IGSF10: variants seen among roughly 807,000 people sequenced by gnomAD.
IGSF10 encodes immunoglobulin superfamily member 10, also known as calvaria mechanical force protein 608.
Under a neutral mutation model 128.2 loss-of-function variants are expected in IGSF10, and 126 were observed. That is an observed-to-expected ratio of 0.98 (90% CI 0.85 to 1.14). The LOEUF is 1.14. IGSF10 is among the 50% of genes most tolerant of loss of function. The probability of loss-of-function intolerance (pLI) is 0.00; values close to 1 mark genes in which losing one functional copy is unlikely to be tolerated. For synonymous variants in IGSF10, 1,185 were observed against 1,146.2 expected (o/e 1.03, Z -0.68); for missense variants, 3,295 against 3,149.8 (o/e 1.05, Z -1.10).
chr3:151,567,324 A>G, the IGSF10 span, among the ~76,000 whole-genome samples: 1 of 152,140 alleles, frequency 6.6e-6, no homozygotes, highest in Non-Finnish European at 1.5e-5. Context: ...TTTATTATCC[A>G]TATGAATAAA....
the IGSF10 span, among the ~76,000 whole-genome samples, chr3:151,582,300 G>GGGGT: frequency 9.6e-6 from 1 of 103,868 alleles, no homozygotes; most frequent in Non-Finnish European, 1.9e-5. Context: ...TCCGGGGGGG[G>GGGGT]GGGCGGGAAG....
the IGSF10 span, among the ~76,000 whole-genome samples, chr3:151,466,563 G>A: frequency 1.3e-5 from 2 of 151,986 alleles, no homozygotes; most frequent in African/African-American, 4.8e-5. Context: ...CCCAGCACGT[G>A]TTTTTGTTTT....
At chr3:151,611,417 T>A in the IGSF10 span, among the ~76,000 whole-genome samples, 1 of 152,146 alleles carries the variant, frequency 6.6e-6, no homozygotes, top group Non-Finnish European at 1.5e-5. Flanking sequence ...GTGCATACAG[T>A]TGTGAGTGTG....
the IGSF10 span, among the ~76,000 whole-genome samples, chr3:151,553,871 T>G: frequency 6.6e-6 from 1 of 151,832 alleles, no homozygotes; most frequent in African/African-American, 2.4e-5. Context: ...CCCAGCACTT[T>G]GAGTGACCAA....
the IGSF10 span, among the ~76,000 whole-genome samples, chr3:151,599,691 AT>A: frequency 1.3e-5 from 2 of 152,076 alleles, no homozygotes; most frequent in African/African-American, 4.8e-5. Flanking sequence ...GTTAGTAGAC[AT>A]TTTTTTCTCA....
rs561308547 is a variant in IGSF10 at position 151,461,059 on chromosome 3, A to G, written c.-202T>C. 2.0e-6 allele frequency: 2 copies of G among 985,250 alleles called. No individual in the cohort carries two copies. The highest frequency in any genetic ancestry group is 1.1e-4 in the East Asian group (1 of 8,806). The allele number at this position is 985,250 out of a possible 1,614,324, so 61.0% of individuals were successfully genotyped here. A position where few individuals can be genotyped will look rare whatever the true frequency, so the allele number is the denominator to read the frequency against. Reference sequence around the variant, plus strand: ...TGGTCCGGAGCTCTGGGAGGGAAGGAAGGAAGGCGGAGCGAGGGCGGGGGA... The same window carrying G: ...TGGTCCGGAGCTCTGGGAGGGAAGGGAGGAAGGCGGAGCGAGGGCGGGGGA... On this transcript the variant is annotated 5_prime_UTR_variant, in exon 1 of 8. Transcript: ENST00000282466.
the IGSF10 span, among the ~76,000 whole-genome samples, chr3:151,503,976 A>C: frequency 2.6e-5 from 4 of 152,092 alleles, no homozygotes; most frequent in Non-Finnish European, 5.9e-5. Flanking sequence ...AAAATATATC[A>C]AACACCAACC....
the IGSF10 span, among the ~76,000 whole-genome samples, chr3:151,524,221 T>C: frequency 6.6e-6 from 1 of 152,128 alleles, no homozygotes; most frequent in African/African-American, 2.4e-5. Context: ...AGAAGCATAG[T>C]GATTCCTGAA....
At chr3:151,460,236 A>G in intron 2 of IGSF10, 25 bp downstream of exon 2, 1 of 716,238 alleles carries the variant, frequency 1.4e-6, no homozygotes, top group South Asian at 6.3e-5. Flanking sequence ...GAAAATGTAC[A>G]TAATGAAATA....
At chr3:151,475,964 A>C in the IGSF10 span, 1 of 153,212 alleles carries the variant, frequency 6.5e-6, no homozygotes, top group Non-Finnish European at 1.5e-5. Flanking sequence ...TGGAATGTCC[A>C]TAGAAGGGTG....
chr3:151,443,353 G>A lies in IGSF10; in HGVS notation c.5594C>T (p.Thr1865Ile), dbSNP rs1720974071. The change falls in exon 7 of 8, where the codon ACT (threonine) becomes ATT (isoleucine). Residue 1865 changes from threonine to isoleucine, a missense_variant. By Grantham distance (89) the Thr-to-Ile change is moderately conservative. Transcript: ENST00000282466. Reference sequence around the variant, plus strand: ...GCTGGGCTGAGGAGTTCCTTTTGCAGTACAGGGCAGTTTTAAACTTTCACC... The same window carrying A: ...GCTGGGCTGAGGAGTTCCTTTTGCAATACAGGGCAGTTTTAAACTTTCACC... Reference protein sequence around the residue: ...TWGESLKLPCTAKGTPQPSVY... With the variant: ...TWGESLKLPCIAKGTPQPSVY... 2 of 1,614,220 alleles carry A rather than the reference G, an allele frequency of 1.2e-6. No individual in the cohort carries two copies. The highest frequency in any genetic ancestry group is 1.7e-6 in the Non-Finnish European group (2 of 1,180,044).
the IGSF10 span, among the ~76,000 whole-genome samples, chr3:151,531,721 A>G: frequency 1.3e-5 from 2 of 152,212 alleles, no homozygotes; most frequent in South Asian, 4.1e-4. Context: ...AATGTCCACA[A>G]GAGAAAGCAG....
chr3:151,594,243 A>T, the IGSF10 span, among the ~76,000 whole-genome samples: 1 of 151,772 alleles, frequency 6.6e-6, no homozygotes, highest in African/African-American at 2.4e-5. Flanking sequence ...GCTATGGGAG[A>T]TACTGTCTGT....
At chr3:151,442,547 A>ATTTTTTTTTTT (rs3975406) in intron 7 of IGSF10, among the ~76,000 whole-genome samples, 4 of 125,544 alleles carry the variant, frequency 3.2e-5, no homozygotes, top group African/African-American at 6.3e-5. Flanking sequence ...TGCCCGGCTA[A>ATTTTTTTTTTT]TTTTTTTTTT....
rs553213263 is a variant in IGSF10, at chr3:151,446,503, C to T, written c.3478G>A (p.Ala1160Thr). 63 of 1,614,068 alleles carry T rather than the reference C, an allele frequency of 3.9e-5. No individual in the cohort carries two copies. Among genetic ancestry groups the T allele is most frequent in the South Asian group, 5.5e-5 (5 of 91,068 alleles). Reference sequence around the variant, plus strand: ...GTGCTAGACACACGTGGGTAACTGGCGTTTACTTTGTGAGTTTTTTCCATG... The same window carrying T: ...GTGCTAGACACACGTGGGTAACTGGTGTTTACTTTGTGAGTTTTTTCCATG... ...IPMEKTHKVNASYPRVSSTNE... is the reference protein window; with the variant it reads ...IPMEKTHKVNTSYPRVSSTNE... The change falls in exon 6 of 8, where the codon GCC becomes ACC. Residue 1160 changes from alanine to threonine, a missense_variant. Coordinates refer to ENST00000282466, the MANE Select transcript of IGSF10 (RefSeq NM_178822.5).
At chr3:151,612,590 T>C in the IGSF10 span, among the ~76,000 whole-genome samples, 1 of 152,174 alleles carries the variant, frequency 6.6e-6, no homozygotes, top group African/African-American at 2.4e-5. Context: ...GTAATAGATA[T>C]CTGCAGCCAA....
the IGSF10 span, among the ~76,000 whole-genome samples, chr3:151,562,758 G>C: frequency 6.6e-6 from 1 of 152,060 alleles, no homozygotes; most frequent in Admixed American, 6.6e-5. Context: ...GACTCCAGTA[G>C]GGAAGGCACC....
At chr3:151,539,586 T>C in the IGSF10 span, among the ~76,000 whole-genome samples, 1 of 152,058 alleles carries the variant, frequency 6.6e-6, no homozygotes, top group South Asian at 2.1e-4. Flanking sequence ...AGTTAAGAAA[T>C]GGAGATGCAG....
the IGSF10 span, among the ~76,000 whole-genome samples, chr3:151,525,257 G>A: frequency 2.0e-5 from 3 of 151,788 alleles, no homozygotes; most frequent in South Asian, 2.1e-4. Flanking sequence ...TGACAAATTC[G>A]AGTAGTTTAC....
Sources: gnomAD v4.1 joint callset for allele counts (sites outside exome capture counted in the v4.1 genomes callset) on GRCh38, gnomAD v4.1.1 for gene constraint, MANE v1.5 for transcripts, NCBI Gene and HGNC (gene_info 2026-07-23, HGNC 2026-07-21) for gene names.